Variants in RPH3A observed in about 807,000 individuals in gnomAD.
The protein encoded by RPH3A is rabphilin 3A.
A neutral mutation model predicts 102.2 loss-of-function variants in RPH3A; 48 were observed. That is an observed-to-expected ratio of 0.47 (90% CI 0.37 to 0.60). RPH3A has a LOEUF of 0.60. RPH3A is among the 20% of genes least tolerant of loss of function. The pLI, the probability that RPH3A is intolerant of heterozygous loss-of-function variation, is 0.00. For synonymous variants in RPH3A, 310 were observed against 324.3 expected (o/e 0.96, Z 0.47); for missense variants, 781 against 910.1 (o/e 0.86, Z 1.83).
chr12:112,812,972 C>T (rs1428616780), intron 2 of RPH3A, among the ~76,000 whole-genome samples: 1 of 152,244 alleles, frequency 6.6e-6, no homozygotes, highest in Non-Finnish European at 1.5e-5. Context: ...TGACTTCATC[C>T]TCTTTATTTA....
intron 16 of RPH3A, among the ~76,000 whole-genome samples, chr12:112,887,275 G>T (rs2043016842): frequency 1.3e-5 from 2 of 152,182 alleles, no homozygotes; most frequent in African/African-American, 2.4e-5. Flanking sequence ...AATTATTATG[G>T]TACATTTACA....
chr12:112,646,628 G>A lies in RPH3A; in HGVS notation c.-140+71309G>A, dbSNP rs571332845. On this transcript the variant is annotated intron_variant, in intron 1 of 21. Coordinates refer to the RPH3A transcript ENST00000543106. ...TTTCTCAGCCTCAAAATGATTATGT[G>A]CACAGTGAGGTTGGACAGTTTCCTG... 1.9e-3 allele frequency among the ~76,000 whole-genome samples: 293 copies of A among 152,258 alleles called. 1 individual carries two copies. Among genetic ancestry groups the A allele is most frequent in the African/African-American group, 6.8e-3 (283 of 41,546 alleles).
At chr12:112,741,550 C>T (rs901573221) in intron 1 of RPH3A, among the ~76,000 whole-genome samples, 2 of 152,014 alleles carry the variant, frequency 1.3e-5, no homozygotes, top group Non-Finnish European at 2.9e-5. Flanking sequence ...CCCATGTCAC[C>T]GGTCTCACTC....
chr12:112,809,945 C>T (rs1220128515), intron 2 of RPH3A, among the ~76,000 whole-genome samples: 1 of 152,166 alleles, frequency 6.6e-6, no homozygotes, highest in African/African-American at 2.4e-5. Flanking sequence ...ACAATGCCTC[C>T]TCCTGCTGGC....
chr12:112,585,611 T>C (rs1257326244), intron 1 of RPH3A, among the ~76,000 whole-genome samples: 1 of 152,160 alleles, frequency 6.6e-6, no homozygotes, highest in Non-Finnish European at 1.5e-5. Flanking sequence ...GGTGCATGCC[T>C]GTAGTTCCAG....
chr12:112,745,554 G>A (rs17826037), intron 1 of RPH3A, among the ~76,000 whole-genome samples: 19,838 of 152,134 alleles, frequency 0.13, 1,584 homozygotes, highest in Admixed American at 0.2. Context: ...GACTCATGGA[G>A]CCATTAAAAT....
chr12:112,643,164 G>A (rs561382140), intron 1 of RPH3A, among the ~76,000 whole-genome samples: 2 of 152,272 alleles, frequency 1.3e-5, no homozygotes, highest in South Asian at 2.1e-4. Context: ...CCTGGCTCCC[G>A]AATCTGTGCA....
chr12:112,817,079 C>A (rs923544065), intron 2 of RPH3A, among the ~76,000 whole-genome samples: 1 of 152,110 alleles, frequency 6.6e-6, no homozygotes, highest in Non-Finnish European at 1.5e-5. Context: ...GACTTGAACC[C>A]CAAACCCATA....
At chr12:112,664,359 G>C (rs1252885276) in intron 1 of RPH3A, among the ~76,000 whole-genome samples, 1 of 152,114 alleles carries the variant, frequency 6.6e-6, no homozygotes, top group Non-Finnish European at 1.5e-5. Context: ...AAACAATCAG[G>C]TTCTCTCTCC....
chr12:112,674,753 C>T (rs141857943), intron 1 of RPH3A, among the ~76,000 whole-genome samples: 224 of 152,226 alleles, frequency 1.5e-3, no homozygotes, highest in East Asian at 6.7e-3. Context: ...ATCAGATATC[C>T]GAGTTTTTAT....
chr12:112,892,878 A>G (rs1339435173), intron 19 of RPH3A: 2 of 152,326 alleles, frequency 1.3e-5, no homozygotes, highest in African/African-American at 4.8e-5. Flanking sequence ...GTCCATGGCC[A>G]AAGAACAGAT....
At chr12:112,631,948 T>C (rs943060693) in intron 1 of RPH3A, among the ~76,000 whole-genome samples, 3 of 152,166 alleles carry the variant, frequency 2.0e-5, no homozygotes, top group Non-Finnish European at 4.4e-5. Flanking sequence ...CTGATATAGT[T>C]TGGTTGTGTC....
At chr12:112,869,486 TC>T in intron 8 of RPH3A, 1 of 401,898 alleles carries the variant, frequency 2.5e-6, no homozygotes, top group East Asian at 4.3e-5. Flanking sequence ...ACTAAAATAC[TC>T]CTTCTTCCTA....
At chr12:112,799,785 C>A (rs951453757) in intron 2 of RPH3A, among the ~76,000 whole-genome samples, 4 of 152,316 alleles carry the variant, frequency 2.6e-5, no homozygotes, top group African/African-American at 2.4e-5. Context: ...TGGTTCAATG[C>A]CCAAGCTTCT....
At chr12:112,810,767 A>T (rs2041557790) in intron 2 of RPH3A, among the ~76,000 whole-genome samples, 1 of 152,220 alleles carries the variant, frequency 6.6e-6, no homozygotes, top group Non-Finnish European at 1.5e-5. Context: ...TGAAAAATAA[A>T]ATAGATAACA....
At chr12:112,739,743 C>T (rs1275752857) in intron 1 of RPH3A, among the ~76,000 whole-genome samples, 1 of 152,232 alleles carries the variant, frequency 6.6e-6, no homozygotes, top group African/African-American at 2.4e-5. Context: ...ATCTTCCACA[C>T]TTCTTTGTCA....
chr12:112,699,254 A>G (rs1390079450), intron 1 of RPH3A, among the ~76,000 whole-genome samples: 1 of 152,228 alleles, frequency 6.6e-6, no homozygotes, highest in African/African-American at 2.4e-5. Flanking sequence ...AAGTATAGTT[A>G]CTATATGACC....
At chr12:112,788,020 G>C (rs79189167), upstream of RPH3A, among the ~76,000 whole-genome samples, 7,043 of 152,318 alleles carry the variant, frequency 0.046, 206 homozygotes, top group Middle Eastern at 0.071. Flanking sequence ...GCCTTGAGAA[G>C]TCTGGGTTTT....
At chr12:112,770,370 G>A (rs1205667602) in intron 1 of RPH3A, among the ~76,000 whole-genome samples, 1 of 127,580 alleles carries the variant, frequency 7.8e-6, no homozygotes, top group African/African-American at 3.3e-5. Flanking sequence ...TTTTGAGACA[G>A]GTTTTGGCTC....
Sources: allele counts gnomAD v4.1 joint callset (sites outside exome capture counted in the v4.1 genomes callset), GRCh38; gene constraint gnomAD v4.1.1; transcripts MANE v1.5; gene names NCBI Gene and HGNC (gene_info 2026-07-23, HGNC 2026-07-21).